Variants in PINX1 observed in about 807,000 individuals in gnomAD.
The protein encoded by PINX1 is PIN2/TERF1-interacting telomerase inhibitor 1.
In PINX1, 34 loss-of-function variants were observed where a neutral mutation model predicts 25.4. The ratio of observed to expected loss-of-function variants is 1.34; its 90% CI spans 1.02 to 1.78. PINX1 has a LOEUF of 1.78. Among genes scored for constraint, PINX1 ranks in the 40% most tolerant of loss-of-function variants. The probability of loss-of-function intolerance (pLI) is 0.00; values close to 1 mark genes in which losing one functional copy is unlikely to be tolerated. For missense variants in PINX1, 592 were observed against 404.9 expected, an observed-to-expected ratio of 1.46 and a Z score of -3.97; for synonymous variants, 197 against 147.7, an observed-to-expected ratio of 1.33 and a Z score of -2.42.
chr8:10,765,571 A>G lies in PINX1; in HGVS notation c.817T>C (p.Ser273Pro), dbSNP rs1384143020. Reference sequence around the variant, plus strand: ...ACATGGTCCCCTGCATCCTGAGCAGAGGCCTTGGAACTCTGGTCCCAGCAG... The same window carrying G: ...ACATGGTCCCCTGCATCCTGAGCAGGGGCCTTGGAACTCTGGTCCCAGCAG... Reference protein sequence around the residue: ...GPCWDQSSKASAQDAGDHVQP... With the variant: ...GPCWDQSSKAPAQDAGDHVQP... The change falls in exon 7 of 7, where the codon TCT (serine) becomes CCT (proline). Residue 273 changes from serine to proline, a missense_variant. Ser to Pro is a moderately conservative substitution (Grantham distance 74). Transcript: ENST00000314787. 9.9e-6 allele frequency: 16 copies of G among 1,613,588 alleles called. No individual in the cohort carries two copies. In the Admixed American group the frequency reaches 2.7e-4, roughly 27 times the overall value.
intron 6 of PINX1, among the ~76,000 whole-genome samples, chr8:10,778,270 G>C (rs918607681): frequency 1.6e-4 from 24 of 152,204 alleles, no homozygotes; most frequent in Admixed American, 1.3e-3. Context: ...AGGACCAGAA[G>C]AGTTTCCGAT....
intron 6 of PINX1, among the ~76,000 whole-genome samples, chr8:10,819,022 C>T (rs1157731611): frequency 6.6e-6 from 1 of 152,138 alleles, no homozygotes; most frequent in Non-Finnish European, 1.5e-5. Context: ...AAGGAGCAGC[C>T]GGCACGGCCG....
chr8:10,766,920 G>A (rs2129070056), intron 6 of PINX1, among the ~76,000 whole-genome samples: 1 of 152,316 alleles, frequency 6.6e-6, no homozygotes, highest in South Asian at 2.1e-4. Context: ...GAGTGCCTGT[G>A]AGGCAGGAAG....
chr8:10,798,329 T>TTGAC (rs1338825986), intron 6 of PINX1, among the ~76,000 whole-genome samples: 1 of 152,222 alleles, frequency 6.6e-6, no homozygotes, highest in Non-Finnish European at 1.5e-5. Context: ...TTACTTCAAG[T>TTGAC]TGACTTCCAG....
intron 6 of PINX1, among the ~76,000 whole-genome samples, chr8:10,804,121 C>T (rs1025112915): frequency 6.6e-6 from 1 of 152,162 alleles, no homozygotes; most frequent in East Asian, 1.9e-4. Flanking sequence ...AAGACACACA[C>T]TGTTGAAAGG....
intron 6 of PINX1, among the ~76,000 whole-genome samples, chr8:10,794,856 T>C (rs577896148): frequency 3.3e-5 from 5 of 152,198 alleles, no homozygotes; most frequent in Admixed American, 6.5e-5. Flanking sequence ...ATATAACAAG[T>C]GCTCTGAATT....
chr8:10,783,841 T>C (rs750731120), intron 6 of PINX1, among the ~76,000 whole-genome samples: 3 of 152,246 alleles, frequency 2.0e-5, no homozygotes, highest in African/African-American at 7.2e-5. Flanking sequence ...TCTAAGACTA[T>C]AGCCTTGTGT....
intron 6 of PINX1, among the ~76,000 whole-genome samples, chr8:10,791,818 T>C (rs10481451): frequency 0.64 from 96,873 of 152,018 alleles, 31,955 homozygotes; most frequent in African/African-American, 0.8. Flanking sequence ...GCAAAGGACT[T>C]GCATTTGGCC....
chr8:10,816,064 G>T (rs1043803469), intron 6 of PINX1, among the ~76,000 whole-genome samples: 1 of 152,216 alleles, frequency 6.6e-6, no homozygotes, highest in Admixed American at 6.5e-5. Context: ...GTCACGGGCG[G>T]TGTTGGAGGG....
chr8:10,810,873 G>A (rs1037944946), intron 6 of PINX1, among the ~76,000 whole-genome samples: 2 of 152,226 alleles, frequency 1.3e-5, no homozygotes, highest in Admixed American at 1.3e-4. Flanking sequence ...CACTTCACTA[G>A]AGGACTTTGA....
chr8:10,778,069 T>C (rs1337305000), intron 6 of PINX1, among the ~76,000 whole-genome samples: 2 of 152,188 alleles, frequency 1.3e-5, no homozygotes, highest in East Asian at 1.9e-4. Flanking sequence ...CTCCAACAAA[T>C]AACATCTGTG....
At chr8:10,825,701 G>T (rs1328613856) in intron 5 of PINX1, among the ~76,000 whole-genome samples, 1 of 152,182 alleles carries the variant, frequency 6.6e-6, no homozygotes, top group Non-Finnish European at 1.5e-5. Context: ...GTCAACCAGG[G>T]AGTGTGCTTT....
intron 6 of PINX1, among the ~76,000 whole-genome samples, chr8:10,795,851 G>C (rs1255051006): frequency 6.6e-6 from 1 of 151,302 alleles, no homozygotes; most frequent in African/African-American, 2.4e-5. Context: ...CAACAAAAAG[G>C]CCCTATTCAC....
chr8:10,780,750 A>T (rs1272360707), intron 6 of PINX1, among the ~76,000 whole-genome samples: 1 of 152,232 alleles, frequency 6.6e-6, no homozygotes, highest in Non-Finnish European at 1.5e-5. Flanking sequence ...CTTATGAATT[A>T]AAAGAATATT....
intron 6 of PINX1, among the ~76,000 whole-genome samples, chr8:10,777,461 G>C (rs1801429118): frequency 6.6e-6 from 1 of 152,190 alleles, no homozygotes; most frequent in South Asian, 2.1e-4. Context: ...CAGAGATTCT[G>C]TCCTCGGCAC....
chr8:10,821,059 C>T (rs899139476), intron 5 of PINX1, among the ~76,000 whole-genome samples: 3 of 152,238 alleles, frequency 2.0e-5, no homozygotes, highest in African/African-American at 7.2e-5. Flanking sequence ...CAAATCTAGT[C>T]CCATTTGTCA....
chr8:10,823,224 G>A (rs139884359), intron 5 of PINX1, among the ~76,000 whole-genome samples: 1 of 152,340 alleles, frequency 6.6e-6, no homozygotes, highest in African/African-American at 2.4e-5. Flanking sequence ...CGACCAGGAA[G>A]CCGAGCACCT....
At chr8:10,818,095 G>A (rs189018630) in intron 6 of PINX1, among the ~76,000 whole-genome samples, 32 of 152,240 alleles carry the variant, frequency 2.1e-4, no homozygotes, top group African/African-American at 7.7e-4. Context: ...GGCTACAGAC[G>A]GAGAGCAGGG....
chr8:10,786,806 C>T lies in PINX1; in HGVS notation c.472-20890G>A, dbSNP rs147051464. ...CTAGGAACTTTCTGCAGGCCAACTC[C>T]CAGGAACCAACCTGCAAACTGCACT... On this transcript the variant is annotated intron_variant, in intron 6 of 6. Coordinates refer to ENST00000314787, the MANE Select transcript of PINX1 (RefSeq NM_017884.6). Among the ~76,000 whole-genome samples the T allele has an allele frequency of 6.2e-3, 937 of 152,296 alleles. 6 individuals carry two copies. The highest frequency in any genetic ancestry group is 0.014 in the Admixed American group (208 of 15,298).
Sources: gnomAD v4.1 joint callset for allele counts (sites outside exome capture counted in the v4.1 genomes callset) on GRCh38, gnomAD v4.1.1 for gene constraint, MANE v1.5 for transcripts, NCBI Gene and HGNC (gene_info 2026-07-23, HGNC 2026-07-21) for gene names.